The following PITRM1 variants were observed in gnomAD, a reference collection of about 807,000 sequenced individuals.
PITRM1 encodes the protein presequence protease, mitochondrial.
PITRM1 carries 100 observed loss-of-function variants against 129.9 expected under a neutral mutation model. The observed-to-expected ratio is 0.77, with a 90% CI of 0.65 to 0.91. The LOEUF (loss-of-function observed/expected upper bound fraction) is 0.91. Ranked by LOEUF, PITRM1 falls within the 40% of genes least tolerant of loss-of-function variation. The pLI is 0.00. For synonymous variants in PITRM1, 591 were observed against 508.8 expected (o/e 1.16, Z -2.17); for missense variants, 1,471 against 1,318.3 (o/e 1.12, Z -1.79).
rs1039300154 is a variant in PITRM1, at chr10:3,137,988, G to A, written c.*43C>T. 3.6e-6 allele frequency: 4 copies of A among 1,096,660 alleles called. No homozygotes were observed. Among genetic ancestry groups the A allele is most frequent in the African/African-American group, 3.1e-5 (2 of 64,446 alleles). The allele number at this position is 1,096,660 out of a possible 1,614,324, so 67.9% of individuals were successfully genotyped here. ...CTGACTTTTCATATTCAGCTCGGAG[G>A]TGTATTGTCTCGGGCTCCTGTGCAG... On this transcript the variant is annotated 3_prime_UTR_variant, in exon 27 of 27. Transcript: ENST00000224949.
At chr10:3,172,434 G>A (rs1362773020) in intron 1 of PITRM1, among the ~76,000 whole-genome samples, 1 of 152,156 alleles carries the variant, frequency 6.6e-6, no homozygotes, top group Admixed American at 6.5e-5. Context: ...TACTACCCCC[G>A]TTAAAGCCCA....
rs2132421855 is a variant in PITRM1, at chr10:3,151,346, G to C, written c.1639C>G (p.Gln547Glu). The change falls in exon 15 of 27, where the codon CAA becomes GAA. Residue 547 changes from glutamine to glutamate, a missense_variant. Physicochemically the swap from Gln to Glu is conservative, Grantham distance 29 (BLOSUM62 2). Transcript: ENST00000224949. The stretch of plus-strand genomic sequence containing the variant: ...GAGGCATCTTGAGGTTTGCTTTGTT[G>C]ACTCCGTAATTCTAGACCTAAAAAA... ...IYEKGLELRS[Q>E]QSKPQDASCL... The C allele has an allele frequency of 6.2e-7, 1 of 1,605,958 alleles. No individual in the cohort carries two copies. Among genetic ancestry groups the C allele is most frequent in the South Asian group, 1.1e-5 (1 of 89,874 alleles).
intron 2 of PITRM1, among the ~76,000 whole-genome samples, chr10:3,168,128 G>A (rs140364157): frequency 3.7e-4 from 57 of 152,126 alleles, no homozygotes; most frequent in Middle Eastern, 3.4e-3. Flanking sequence ...TGAGTCACCT[G>A]GCCAAGCGCA....
rs12256666 is a variant in PITRM1 at position 3,166,828 on chromosome 10, C to G, written c.266+108G>C. The G allele has an allele frequency of 2.5e-5, 16 of 645,072 alleles. No individual in the cohort carries two copies. The Middle Eastern group carries it at 1.0e-3, about 40-fold the overall frequency. 40.0% of individuals were successfully genotyped at this position (645,072 alleles called of 1,614,324 possible). On this transcript the variant is annotated intron_variant, in intron 3 of 26. Transcript: ENST00000224949. ...AGTGTTAGTGTATTTTATGCGTGGC[C>G]TAAGACAGTTGTTCTTCTTCCATTG... is the stretch of plus-strand genomic sequence containing the variant.
At chr10:3,163,261 T>C (rs969132255) in intron 7 of PITRM1, 1 of 152,336 alleles carries the variant, frequency 6.6e-6, no homozygotes, top group African/African-American at 2.4e-5. Context: ...ATTATTATTA[T>C]AATGACCTTG....
intron 20 of PITRM1, chr10:3,145,957 G>A: frequency 4.1e-6 from 2 of 486,070 alleles, no homozygotes; most frequent in Admixed American, 7.2e-5. Flanking sequence ...CGGAGCCTGT[G>A]ACTCTAAACT....
At chr10:3,152,620 C>A (rs1412651318) in intron 14 of PITRM1, among the ~76,000 whole-genome samples, 1 of 152,242 alleles carries the variant, frequency 6.6e-6, no homozygotes, top group Non-Finnish European at 1.5e-5. Context: ...AGCCCAGGCT[C>A]CCAATGGCAC....
chr10:3,145,408 C>A, intron 21 of PITRM1, 188 bp downstream of exon 21: 1 of 601,732 alleles, frequency 1.7e-6, no homozygotes, highest in East Asian at 2.8e-5. Flanking sequence ...GGTCTGAACT[C>A]ACTTAACTGG....
chr10:3,164,722 T>C (rs557112272), intron 6 of PITRM1, among the ~76,000 whole-genome samples: 51 of 152,384 alleles, frequency 3.3e-4, no homozygotes, highest in South Asian at 1.2e-3. Flanking sequence ...ACTTATTCAT[T>C]AAGGTAAGCC....
At chr10:3,154,872 A>G (rs1042982606) in intron 14 of PITRM1, among the ~76,000 whole-genome samples, 1 of 151,670 alleles carries the variant, frequency 6.6e-6, no homozygotes, top group Non-Finnish European at 1.5e-5. Context: ...TCCCCGTCTC[A>G]CTTTTCTTTT....
intron 6 of PITRM1, among the ~76,000 whole-genome samples, chr10:3,164,769 C>T (rs536260289): frequency 1.1e-4 from 17 of 152,290 alleles, no homozygotes; most frequent in African/African-American, 3.9e-4. Context: ...TTGAAAAATA[C>T]TTCTCATAAC....
At chr10:3,163,633 A>G in intron 7 of PITRM1, 92 bp downstream of exon 7, 1 of 1,089,432 alleles carries the variant, frequency 9.2e-7, no homozygotes, top group South Asian at 1.6e-5. Context: ...AAGCATTGCT[A>G]AATGTGAGAG....
intron 7 of PITRM1, among the ~76,000 whole-genome samples, chr10:3,162,810 C>G (rs1422546247): frequency 6.6e-6 from 1 of 152,238 alleles, no homozygotes; most frequent in African/African-American, 2.4e-5. Context: ...CCTCTGCCGT[C>G]CCCTAGAGGG....
chr10:3,159,286 C>G (rs754123864), intron 9 of PITRM1, among the ~76,000 whole-genome samples: 3 of 152,238 alleles, frequency 2.0e-5, no homozygotes, highest in Non-Finnish European at 4.4e-5. Flanking sequence ...CTGCCAAGCA[C>G]TTTTCACACG....
intron 7 of PITRM1, chr10:3,163,399 T>C (rs1231160471): frequency 5.8e-6 from 1 of 172,766 alleles, no homozygotes; most frequent in Non-Finnish European, 1.2e-5. Flanking sequence ...ACACCCCGTG[T>C]CAAGGTGGGC....
chr10:3,143,401 G>A lies in PITRM1; in HGVS notation c.2633C>T (p.Pro878Leu), dbSNP rs1564389532. The A allele has an allele frequency of 1.2e-6, 2 of 1,606,182 alleles. No homozygotes were observed. The highest frequency in any genetic ancestry group is 4.5e-5 in the East Asian group (2 of 44,860). Residue 878 changes from proline to leucine, a missense_variant, in exon 23 of 27, where the codon CCA becomes CTA. Coordinates refer to ENST00000224949, the MANE Select transcript of PITRM1 (RefSeq NM_014889.4). ...TACACCCTCCTACCTGGCATGATCT[G>A]GGTCCGTGTAGGGGACAGTTCGGAT... is the stretch of plus-strand genomic sequence containing the variant. ...ECIRTVPYTD[P>L]DHASLKILAR...
intron 16 of PITRM1, chr10:3,148,631 T>TA (rs1290467740): frequency 4.5e-6 from 1 of 220,236 alleles, no homozygotes; most frequent in Non-Finnish European, 9.1e-6. Context: ...GACTACTCCC[T>TA]ACTCTCTTCA....
At chr10:3,157,803 C>T (rs1842100614) in intron 11 of PITRM1, among the ~76,000 whole-genome samples, 1 of 152,182 alleles carries the variant, frequency 6.6e-6, no homozygotes, top group Non-Finnish European at 1.5e-5. Flanking sequence ...CACGCCACTG[C>T]ACAGCAGGCT....
At position 3,151,263 on chromosome 10, in the gene PITRM1, C is replaced by A; in HGVS notation, c.1722G>T (p.Leu574Phe). 6.2e-7 allele frequency: 1 copy of A among 1,600,160 alleles called. No homozygotes were observed. Among genetic ancestry groups the A allele is most frequent in the Non-Finnish European group, 8.5e-7 (1 of 1,170,618 alleles). ...DIEPTIPVTELDVVLTAGDIP... is the reference protein window; with the variant it reads ...DIEPTIPVTEFDVVLTAGDIP... Reference sequence around the variant, plus strand: ...CACAGTGACCTGTCAGGACCACGTCCAACTCTGTGACAGGTATGGTGGGTT... The same window carrying A: ...CACAGTGACCTGTCAGGACCACGTCAAACTCTGTGACAGGTATGGTGGGTT... Residue 574 changes from leucine to phenylalanine, a missense_variant, in exon 15 of 27, where the codon TTG becomes TTT. Leu to Phe is a conservative substitution (Grantham distance 22, BLOSUM62 0). Transcript: ENST00000224949.
Sources: gnomAD v4.1 joint callset for allele counts (sites outside exome capture counted in the v4.1 genomes callset) on GRCh38, gnomAD v4.1.1 for gene constraint, MANE v1.5 for transcripts, NCBI Gene and HGNC (gene_info 2026-07-23, HGNC 2026-07-21) for gene names.